CD99: variants seen among roughly 807,000 people sequenced by gnomAD.
CD99 encodes the protein CD99 antigen.
CD99 carries 19 observed loss-of-function variants against 28.4 expected under a neutral mutation model. The observed-to-expected ratio is 0.67, with a 90% CI of 0.47 to 0.98. The LOEUF (loss-of-function observed/expected upper bound fraction) is 0.98, where lower values mean the gene tolerates loss of function less well. CD99 is among the 50% of genes least tolerant of loss of function. The pLI, the probability that CD99 is intolerant of heterozygous loss-of-function variation, is 0.00. For missense variants in CD99, 283 were observed against 248.8 expected (o/e 1.14, Z -0.92); for synonymous variants, 103 against 92.1 (o/e 1.12, Z -0.67).
chrX:2,700,428 C>A (rs1164144953), intron 1 of CD99, among the ~76,000 whole-genome samples: 13 of 151,576 alleles, frequency 8.6e-5, no homozygotes, highest in Non-Finnish European at 5.9e-5. Flanking sequence ...ATCCATCAAC[C>A]CATCCTCCCA....
intron 1 of CD99, chrX:2,691,775 T>C (rs375783006): frequency 4.6e-5 from 35 of 766,644 alleles, no homozygotes; most frequent in Admixed American, 1.7e-5. Context: ...CCCACCCCGT[T>C]ATCTACCCCC....
At chrX:2,694,360 T>C (rs894772052) in intron 1 of CD99, among the ~76,000 whole-genome samples, 13 of 152,038 alleles carry the variant, frequency 8.6e-5, no homozygotes, top group African/African-American at 3.1e-4. Flanking sequence ...GGAGAATGTT[T>C]CTGGGCAGAG....
intron 1 of CD99, among the ~76,000 whole-genome samples, chrX:2,692,637 A>G (rs2124445410): frequency 6.6e-6 from 1 of 151,650 alleles, no homozygotes; most frequent in African/African-American, 2.4e-5. Flanking sequence ...TTCCAAGCAG[A>G]GCTTCCTGTT....
intron 1 of CD99, among the ~76,000 whole-genome samples, chrX:2,709,284 G>T (rs1313641723): frequency 9.6e-6 from 1 of 104,226 alleles, no homozygotes; most frequent in Non-Finnish European, 2.6e-5. Flanking sequence ...GTGCACGTGA[G>T]CACACATGAA....
At chrX:2,710,463 T>C (rs1362282535) in intron 1 of CD99, among the ~76,000 whole-genome samples, 1 of 151,648 alleles carries the variant, frequency 6.6e-6, no homozygotes, top group Admixed American at 6.6e-5. Flanking sequence ...ATTACAGAAA[T>C]AAGAAGGGTT....
chrX:2,738,154 T>A (rs1413313544), intron 8 of CD99, 46 bp from the exon 9 acceptor site: 2 of 1,550,132 alleles, frequency 1.3e-6, no homozygotes, highest in African/African-American at 2.7e-5. Flanking sequence ...AGGAGTGGGT[T>A]ATCTGTTGCA....
chrX:2,740,905 C>A lies in CD99; in HGVS notation c.*101C>A. ...ACCTGCCTGAGAGCAGAGATGGAGG[C>A]CTTCTGTTCACGGCGGATTCTTTGT... is the stretch of plus-strand genomic sequence containing the variant. On this transcript the variant is annotated 3_prime_UTR_variant, in exon 10 of 10. Transcript: ENST00000381192. The A allele has an allele frequency of 1.6e-6, 2 of 1,258,110 alleles. No individual in the cohort carries two copies. Among genetic ancestry groups the A allele is most frequent in the Non-Finnish European group, 2.3e-6 (2 of 856,086 alleles). The allele number at this position is 1,258,110 out of a possible 1,614,324, so 77.9% of individuals were successfully genotyped here. A position where few individuals can be genotyped will look rare whatever the true frequency, so the allele number is the denominator to read the frequency against.
At chrX:2,714,045 A>G (rs1399654424) in intron 1 of CD99, among the ~76,000 whole-genome samples, 2 of 152,204 alleles carry the variant, frequency 1.3e-5, no homozygotes, top group Admixed American at 6.5e-5. Flanking sequence ...TTGTAATTAC[A>G]GGAAAGTTGC....
chrX:2,727,197 C>T (rs2049336458), intron 8 of CD99: 2 of 727,016 alleles, frequency 2.8e-6, no homozygotes, highest in East Asian at 5.2e-5. Context: ...TACCGAAAAC[C>T]CACAGGCACC....
Position 2,722,668 on chromosome X carries a change from G to A in CD99, c.304G>A (p.Gly102Arg). ...DADLADGVSG[G>R]EGKGGSDGGG... Reference sequence around the variant, plus strand: ...TGACCTTGCGGATGGCGTTTCAGGTGGAGAAGGTACAGTTATCTTGTTTTC... The same window carrying A: ...TGACCTTGCGGATGGCGTTTCAGGTAGAGAAGGTACAGTTATCTTGTTTTC... Residue 102 changes from glycine (G) to arginine (R), a missense_variant, in exon 6 of 10, where the codon GGA becomes AGA. Physicochemically the swap from Gly to Arg is moderately radical, Grantham distance 125. Coordinates refer to ENST00000381192, the MANE Select transcript of CD99 (RefSeq NM_002414.5). The A allele has an allele frequency of 6.2e-7, 1 of 1,613,936 alleles. No individual in the cohort carries two copies. Among genetic ancestry groups the A allele is most frequent in the Non-Finnish European group, 8.5e-7 (1 of 1,179,828 alleles).
chrX:2,695,360 A>G (rs1164261599), intron 1 of CD99, among the ~76,000 whole-genome samples: 1 of 151,548 alleles, frequency 6.6e-6, no homozygotes, highest in African/African-American at 2.4e-5. Flanking sequence ...CATGCACTGC[A>G]TATCTGGCTA....
intron 1 of CD99, among the ~76,000 whole-genome samples, chrX:2,706,130 C>T (rs1413525828): frequency 2.0e-5 from 3 of 151,514 alleles, no homozygotes; most frequent in Non-Finnish European, 2.9e-5. Flanking sequence ...GAGGCCGAGG[C>T]GGGCGGATCA....
intron 1 of CD99, among the ~76,000 whole-genome samples, chrX:2,709,729 C>CACACATGCATGTACATAGACAT (rs1398801978): frequency 6.6e-6 from 1 of 152,194 alleles, no homozygotes; most frequent in Non-Finnish European, 1.5e-5. Context: ...TACATAGACA[C>CACACATGCATGTACATAGACAT]GCACATGCAT....
chrX:2,711,532 A>C (rs1319857345), intron 1 of CD99, among the ~76,000 whole-genome samples: 1 of 151,912 alleles, frequency 6.6e-6, no homozygotes, highest in African/African-American at 2.4e-5. Flanking sequence ...CACCATTCGG[A>C]GTAGCCAAGA....
intron 8 of CD99, among the ~76,000 whole-genome samples, chrX:2,732,093 C>T (rs944696639): frequency 6.6e-6 from 1 of 152,006 alleles, no homozygotes; most frequent in African/African-American, 2.4e-5. Context: ...ACTTTTGCAC[C>T]AGCCTCCGTT....
intron 9 of CD99, among the ~76,000 whole-genome samples, chrX:2,739,165 A>G (rs1339872842): frequency 2.0e-5 from 3 of 152,146 alleles, no homozygotes; most frequent in African/African-American, 4.8e-5. Context: ...TACCGCACCC[A>G]GCCTGCTATC....
chrX:2,691,467 G>T, intron 1 of CD99, 40 bp downstream of exon 1: 1 of 1,555,830 alleles, frequency 6.4e-7, no homozygotes, highest in Non-Finnish European at 8.6e-7. Context: ...GACGCGGAGG[G>T]CGCGGGCCGG....
intron 4 of CD99, 85 bp from the exon 5 acceptor site, chrX:2,720,271 C>A: frequency 1.6e-6 from 2 of 1,246,372 alleles, no homozygotes; most frequent in Non-Finnish European, 2.4e-6. Context: ...AATTTCTGTT[C>A]AGGGAACCAT....
At chrX:2,721,524 G>T (rs1345799499) in intron 5 of CD99, among the ~76,000 whole-genome samples, 2 of 152,036 alleles carry the variant, frequency 1.3e-5, no homozygotes, top group African/African-American at 4.8e-5. Flanking sequence ...TGAAACTCCT[G>T]GCCTCAAGCA....
Sources: allele counts gnomAD v4.1 joint callset (sites outside exome capture counted in the v4.1 genomes callset), GRCh38; gene constraint gnomAD v4.1.1; transcripts MANE v1.5; gene names NCBI Gene and HGNC (gene_info 2026-07-23, HGNC 2026-07-21).